The following EPHA5 variants were observed in gnomAD, a reference collection of about 807,000 sequenced individuals.
EPHA5 encodes EPH receptor A5, also known as ephrin type-A receptor 5.
In EPHA5, 60 loss-of-function variants were observed where a neutral mutation model predicts 105.0. The ratio of observed to expected loss-of-function variants is 0.57; its 90% CI spans 0.46 to 0.71. The LOEUF (loss-of-function observed/expected upper bound fraction) is 0.71, where lower values mean the gene tolerates loss of function less well. EPHA5 is among the 30% of genes least tolerant of loss of function. EPHA5 has a pLI of 0.00. For missense variants in EPHA5, 1,218 were observed against 1,274.7 expected (o/e 0.96, Z 0.68); for synonymous variants, 513 against 449.1 (o/e 1.14, Z -1.80).
At chr4:65,424,409 T>C (rs1347327820) in intron 5 of EPHA5, among the ~76,000 whole-genome samples, 1 of 152,084 alleles carries the variant, frequency 6.6e-6, no homozygotes, top group Non-Finnish European at 1.5e-5. Flanking sequence ...TTCTATGTAA[T>C]TCTGTTAGTT....
At chr4:65,538,170 A>G (rs951928469) in intron 3 of EPHA5, among the ~76,000 whole-genome samples, 7 of 151,864 alleles carry the variant, frequency 4.6e-5, no homozygotes, top group Non-Finnish European at 1.0e-4. Context: ...GAAGTAAAAT[A>G]CAAGGGAGGT....
chr4:65,375,120 T>G lies in EPHA5; in HGVS notation c.1794-7696A>C, dbSNP rs188832341. 1.0e-3 allele frequency among the ~76,000 whole-genome samples: 154 copies of G among 151,940 alleles called. 1 individual carries two copies. Among genetic ancestry groups the G allele is most frequent in the African/African-American group, 3.4e-3 (143 of 41,512 alleles). ...TACCCAGTAAAAATTTTGGAGAACT[T>G]TTTTATTGTTTATATAAGCTCAGTT... On this transcript the variant is annotated intron_variant, in intron 8 of 16. Coordinates refer to ENST00000613740, the MANE Select transcript of EPHA5 (RefSeq NM_001281766.3).
chr4:65,387,906 T>C (rs1299532332), intron 8 of EPHA5, among the ~76,000 whole-genome samples: 1 of 149,358 alleles, frequency 6.7e-6, no homozygotes, highest in East Asian at 2.0e-4. Flanking sequence ...CATGCTGGTG[T>C]GCTGCACCCA....
chr4:65,595,546 C>T (rs1477154091), intron 3 of EPHA5, among the ~76,000 whole-genome samples: 1 of 151,322 alleles, frequency 6.6e-6, no homozygotes, highest in Non-Finnish European at 1.5e-5. Flanking sequence ...TGTAGCTACC[C>T]TTTATTTTAT....
chr4:65,603,217 T>G (rs1743913200), intron 2 of EPHA5, among the ~76,000 whole-genome samples: 1 of 152,090 alleles, frequency 6.6e-6, no homozygotes, highest in Non-Finnish European at 1.5e-5. Context: ...ACCTATCTCT[T>G]TCCTAATAAA....
intron 2 of EPHA5, among the ~76,000 whole-genome samples, chr4:65,635,350 T>C (rs561517726): frequency 8.5e-5 from 13 of 152,082 alleles, no homozygotes; most frequent in Non-Finnish European, 1.6e-4. Flanking sequence ...TTATGAATGA[T>C]CCTAAAAGTT....
intron 3 of EPHA5, among the ~76,000 whole-genome samples, chr4:65,544,665 T>C (rs1737199929): frequency 6.6e-6 from 1 of 152,056 alleles, no homozygotes; most frequent in African/African-American, 2.4e-5. Flanking sequence ...GAAGACAGTG[T>C]GGCAATTCCT....
chr4:65,382,658 G>A (rs894359081), intron 8 of EPHA5, among the ~76,000 whole-genome samples: 2 of 151,738 alleles, frequency 1.3e-5, no homozygotes, highest in Non-Finnish European at 2.9e-5. Context: ...TCCAAACCTG[G>A]CTACACATTA....
At chr4:65,359,587 T>C (rs1011366902) in intron 11 of EPHA5, among the ~76,000 whole-genome samples, 4 of 151,568 alleles carry the variant, frequency 2.6e-5, no homozygotes, top group African/African-American at 9.7e-5. Flanking sequence ...AAATAATTTA[T>C]AGTTATCATT....
intron 8 of EPHA5, among the ~76,000 whole-genome samples, chr4:65,368,997 T>G (rs748875736): frequency 5.3e-5 from 8 of 152,198 alleles, no homozygotes; most frequent in Non-Finnish European, 1.0e-4. Context: ...AGTAGCTTTC[T>G]GCATCCCCTC....
chr4:65,504,748 C>T (rs936770178), intron 3 of EPHA5, among the ~76,000 whole-genome samples: 2 of 151,798 alleles, frequency 1.3e-5, no homozygotes, highest in Non-Finnish European at 1.5e-5. Flanking sequence ...TCTAATTGAA[C>T]CTCCACTGAA....
chr4:65,617,730 A>C (rs764972571), intron 2 of EPHA5, among the ~76,000 whole-genome samples: 4 of 152,238 alleles, frequency 2.6e-5, no homozygotes, highest in Non-Finnish European at 4.4e-5. Flanking sequence ...CATGTTTTTA[A>C]GAGTTGATAG....
intron 8 of EPHA5, among the ~76,000 whole-genome samples, chr4:65,393,142 A>G (rs560402974): frequency 2.9e-4 from 44 of 152,316 alleles, no homozygotes; most frequent in Non-Finnish European, 5.4e-4. Flanking sequence ...AGATAATATG[A>G]AGCTTTTTCC....
rs534454155 is a variant in EPHA5, at chr4:65,499,159, G to A, written c.911-3616C>T. Among the ~76,000 whole-genome samples, 7 of 151,666 alleles carry A rather than the reference G, an allele frequency of 4.6e-5. No individual in the cohort carries two copies. In the South Asian group the frequency reaches 1.5e-3, roughly 32 times the overall value. ...TTGAGAAAATAAAAGTTGTCAGAAG[G>A]AAACTTTCTCATTTTCCTACCATCA... On this transcript the variant is annotated intron_variant, in intron 3 of 16. Transcript: ENST00000613740.
intron 3 of EPHA5, among the ~76,000 whole-genome samples, chr4:65,521,405 A>G (rs937108637): frequency 1.3e-5 from 2 of 152,088 alleles, no homozygotes; most frequent in Non-Finnish European, 2.9e-5. Context: ...GGATAGCATT[A>G]GGAAATATAC....
intron 5 of EPHA5, among the ~76,000 whole-genome samples, chr4:65,485,454 T>TAAAC (rs1173701242): frequency 6.6e-6 from 1 of 152,162 alleles, no homozygotes; most frequent in East Asian, 1.9e-4. Context: ...TTGAACCAAT[T>TAAAC]CTAGTATTTG....
rs114992627 is a variant in EPHA5 at position 65,605,070 on chromosome 4, C to T, written c.247-2766G>A. ...TCCCCTGAGCCCATGCTTTCCTGTA[C>T]GTTTATTTCCTCCTTATTGCCCATT... On this transcript the variant is annotated intron_variant, in intron 2 of 16. Transcript: ENST00000613740. Among the ~76,000 whole-genome samples, 479 of 152,244 alleles carry T rather than the reference C, an allele frequency of 3.1e-3. 1 individual carries two copies. Among genetic ancestry groups the T allele is most frequent in the African/African-American group, 6.5e-3 (268 of 41,548 alleles).
chr4:65,485,624 T>G (rs1397493788), intron 5 of EPHA5, among the ~76,000 whole-genome samples: 1 of 152,174 alleles, frequency 6.6e-6, no homozygotes, highest in Non-Finnish European at 1.5e-5. Context: ...ATTTAATCGC[T>G]TCTATAGACT....
At chr4:65,533,791 G>T (rs1006700923) in intron 3 of EPHA5, among the ~76,000 whole-genome samples, 25 of 152,004 alleles carry the variant, frequency 1.6e-4, no homozygotes, top group Non-Finnish European at 5.9e-5. Context: ...AAAATTAGCT[G>T]GGTGTGGTAG....
Sources: gnomAD v4.1 joint callset for allele counts (sites outside exome capture counted in the v4.1 genomes callset) on GRCh38, gnomAD v4.1.1 for gene constraint, MANE v1.5 for transcripts, NCBI Gene and HGNC (gene_info 2026-07-23, HGNC 2026-07-21) for gene names.